UMODL1: variants seen among roughly 807,000 people sequenced by gnomAD.
UMODL1 encodes uromodulin like 1, also known as uromodulin-like 1.
A neutral mutation model predicts 136.3 loss-of-function variants in UMODL1; 128 were observed. The observed-to-expected ratio is 0.94, with a 90% confidence interval of 0.81 to 1.09. The LOEUF is 1.09. Among genes scored for constraint, UMODL1 ranks in the 50% least tolerant of loss-of-function variants. The pLI is 0.00. For missense variants in UMODL1, 1,766 were observed against 1,725.6 expected, an observed-to-expected ratio of 1.02 and a Z score of -0.41; for synonymous variants, 721 against 720.0, an observed-to-expected ratio of 1.00 and a Z score of -0.02.
intron 2 of UMODL1, among the ~76,000 whole-genome samples, chr21:42,081,167 A>G (rs963328267): frequency 6.6e-6 from 1 of 151,904 alleles, no homozygotes; most frequent in African/African-American, 2.4e-5. Flanking sequence ...GGACCAGGAG[A>G]CTCCCCAAAA....
intron 21 of UMODL1, among the ~76,000 whole-genome samples, chr21:42,133,379 C>T (rs995090853): frequency 2.0e-5 from 3 of 152,242 alleles, no homozygotes; most frequent in Non-Finnish European, 4.4e-5. Context: ...CTGGTACCTG[C>T]ACGAGCTGGG....
At chr21:42,074,275 G>A (rs892884045) in intron 1 of UMODL1, among the ~76,000 whole-genome samples, 5 of 152,158 alleles carry the variant, frequency 3.3e-5, no homozygotes, top group African/African-American at 1.2e-4. Context: ...CTCCCTGTGT[G>A]CCTGTCTGTC....
intron 2 of UMODL1, among the ~76,000 whole-genome samples, chr21:42,082,524 G>A (rs1569143776): frequency 1.3e-5 from 2 of 152,130 alleles, no homozygotes; most frequent in Admixed American, 6.5e-5. Flanking sequence ...AGCCCCAGGG[G>A]GGCATGGCAC....
intron 10 of UMODL1, among the ~76,000 whole-genome samples, chr21:42,110,337 C>A (rs2066802854): frequency 6.6e-6 from 1 of 152,238 alleles, no homozygotes; most frequent in African/African-American, 2.4e-5. Context: ...GGCTTGCCAG[C>A]CCCTGCTGAG....
At chr21:42,125,741 C>T (rs576966086) in intron 17 of UMODL1, among the ~76,000 whole-genome samples, 47 of 152,104 alleles carry the variant, frequency 3.1e-4, no homozygotes, top group Non-Finnish European at 6.0e-4. Flanking sequence ...CGGGCCACAG[C>T]GGCATCCTCA....
intron 17 of UMODL1, among the ~76,000 whole-genome samples, chr21:42,124,331 GC>G (rs1225298382): frequency 2.6e-5 from 4 of 152,316 alleles, no homozygotes; most frequent in Non-Finnish European, 5.9e-5. Flanking sequence ...GCCTGGAGGG[GC>G]CGGCGGCTTC....
intron 21 of UMODL1, 63 bp downstream of exon 21, chr21:42,129,860 A>G (rs1341164841): frequency 3.1e-6 from 4 of 1,279,030 alleles, no homozygotes; most frequent in Non-Finnish European, 3.2e-6. Flanking sequence ...TTTCACCAGC[A>G]TGTAAATAAA....
At chr21:42,119,675 T>G (rs374157092) in intron 15 of UMODL1, among the ~76,000 whole-genome samples, 3 of 152,028 alleles carry the variant, frequency 2.0e-5, no homozygotes, top group East Asian at 3.9e-4. Context: ...CCCAAGGAGA[T>G]CCCAGTAAAG....
chr21:42,119,103 C>G lies in UMODL1; in HGVS notation c.2476-8C>G, dbSNP rs558848452. On this transcript the variant is annotated splice_polypyrimidine_tract_variant and splice_region_variant and intron_variant, in intron 14 of 22. Coordinates refer to ENST00000408910, the MANE Select transcript of UMODL1 (RefSeq NM_001004416.3). ...GGGGACCTCCTCACATGGCCTCTTT[C>G]CCCGCAGGTGCGGGGCTCCCTGCCA... 1 of 1,611,050 alleles carries G rather than the reference C, an allele frequency of 6.2e-7. No homozygotes were observed. Among genetic ancestry groups the G allele is most frequent in the South Asian group, 1.1e-5 (1 of 90,924 alleles).
rs115560582 is a variant in UMODL1, at chr21:42,129,026, G to A, written c.3691-687G>A. On this transcript the variant is annotated intron_variant, in intron 20 of 22. Transcript: ENST00000408910. ...CAGGCCTCTCTCCCAGCTTCTGGTGGCCTCGGGCGTTCCTTGGCTGGTAGA... is the reference window on the plus strand; with the variant it reads ...CAGGCCTCTCTCCCAGCTTCTGGTGACCTCGGGCGTTCCTTGGCTGGTAGA... Among the ~76,000 whole-genome samples, 1,342 of 152,012 alleles carry A rather than the reference G, an allele frequency of 8.8e-3. 21 individuals carry two copies. Among genetic ancestry groups the A allele is most frequent in the African/African-American group, 0.031 (1,277 of 41,436 alleles).
intron 6 of UMODL1, among the ~76,000 whole-genome samples, chr21:42,095,089 G>GTTTTTTGTTTTTTT (rs2066539447): frequency 1.6e-5 from 1 of 61,186 alleles, no homozygotes; most frequent in African/African-American, 6.3e-5. Context: ...TTCTTCTGCT[G>GTTTTTTGTTTTTTT]TTTTTTTTTT....
Position 42,076,225 on chromosome 21 carries a change from G to T in UMODL1, c.297G>T (p.Gln99His). The change falls in exon 2 of 23, where the codon CAG (glutamine) becomes CAT (histidine). Residue 99 changes from glutamine to histidine, a missense_variant. Transcript: ENST00000408910. ...CTGACTGCTGTGAGGGCTATGAACAGCTCGGCCTCTACTGTGTCTTGCGTG... is the reference window on the plus strand; with the variant it reads ...CTGACTGCTGTGAGGGCTATGAACATCTCGGCCTCTACTGTGTCTTGCGTG... ...NVTDCCEGYE[Q>H]LGLYCVLPLN... is the part of the protein sequence containing the mutation. 1 of 1,614,256 alleles carries T rather than the reference G, an allele frequency of 6.2e-7. No homozygotes were observed. The highest frequency in any genetic ancestry group is 8.5e-7 in the Non-Finnish European group (1 of 1,180,042).
chr21:42,113,533 G>T (rs767204779), intron 12 of UMODL1, 40 bp from the exon 13 acceptor site: 2 of 1,584,192 alleles, frequency 1.3e-6, no homozygotes, highest in South Asian at 2.3e-5. Context: ...TCCTAGAAAT[G>T]GCTTGATTGT....
At chr21:42,134,578 G>C (rs1029370803) in intron 21 of UMODL1, among the ~76,000 whole-genome samples, 27 of 152,074 alleles carry the variant, frequency 1.8e-4, no homozygotes, top group African/African-American at 6.5e-4. Context: ...TCTGAACGCG[G>C]GTTCTTTTTT....
intron 21 of UMODL1, among the ~76,000 whole-genome samples, chr21:42,135,595 C>G (rs879739988): frequency 1.6e-4 from 24 of 152,306 alleles, no homozygotes; most frequent in Admixed American, 1.6e-3. Context: ...GCAAGGTGGC[C>G]CGTCACTCGA....
chr21:42,131,184 C>A (rs987183091), intron 21 of UMODL1, among the ~76,000 whole-genome samples: 2 of 152,130 alleles, frequency 1.3e-5, no homozygotes, highest in Non-Finnish European at 2.9e-5. Flanking sequence ...TGATTTTTTT[C>A]TCTTGCTTGC....
intron 1 of UMODL1, among the ~76,000 whole-genome samples, chr21:42,074,969 T>G (rs1420061323): frequency 6.6e-6 from 1 of 152,078 alleles, no homozygotes; most frequent in Non-Finnish European, 1.5e-5. Flanking sequence ...TGGCGCAATC[T>G]TGGCTCACTG....
rs1388360721 is a variant in UMODL1 at position 42,123,926 on chromosome 21, A to C, written c.3147+776A>C. Among the ~76,000 whole-genome samples, 3 of 152,102 alleles carry C rather than the reference A, an allele frequency of 2.0e-5. No individual in the cohort carries two copies. Among genetic ancestry groups the C allele is most frequent in the African/African-American group, 7.2e-5 (3 of 41,424 alleles). On this transcript the variant is annotated intron_variant, in intron 17 of 22. Coordinates refer to ENST00000408910, the MANE Select transcript of UMODL1 (RefSeq NM_001004416.3). The surrounding 1 kb of genome is among the most constrained non-coding windows in gnomAD (Gnocchi z 4.4). ...GCTGTGGGGCTCCCGGGACAGAGGGAGCCCAGGTGGGGAAAGTGGGTTTTC... is the reference window on the plus strand; with the variant it reads ...GCTGTGGGGCTCCCGGGACAGAGGGCGCCCAGGTGGGGAAAGTGGGTTTTC...
intron 2 of UMODL1, 50 bp downstream of exon 2, chr21:42,076,297 C>G: frequency 6.2e-7 from 1 of 1,605,644 alleles, no homozygotes; most frequent in South Asian, 1.1e-5. Context: ...GCCGTCGAGA[C>G]GCCTGATGGG....
Sources: allele counts gnomAD v4.1 joint callset (sites outside exome capture counted in the v4.1 genomes callset), GRCh38; gene constraint gnomAD v4.1.1; non-coding constraint Gnocchi (gnomAD v3.1); transcripts MANE v1.5; gene names NCBI Gene and HGNC (gene_info 2026-07-23, HGNC 2026-07-21).